CCDC91: variants seen among roughly 807,000 people sequenced by gnomAD.
The protein encoded by CCDC91 is coiled-coil domain-containing protein 91.
In CCDC91, 48 loss-of-function variants were observed where a neutral mutation model predicts 63.2. The ratio of observed to expected loss-of-function variants is 0.76; its 90% CI spans 0.60 to 0.97. CCDC91 has a LOEUF of 0.97. CCDC91 is among the 50% of genes least tolerant of loss of function. The probability of loss-of-function intolerance (pLI) is 0.00; values close to 1 mark genes in which losing one functional copy is unlikely to be tolerated. For synonymous variants in CCDC91, 167 were observed against 165.8 expected, an observed-to-expected ratio of 1.01 and a Z score of -0.06; for missense variants, 500 against 494.6, an observed-to-expected ratio of 1.01 and a Z score of -0.10.
Position 28,452,669 on chromosome 12 carries a change from CTGTT to C in CCDC91, c.1101+16_1101+19del. The C allele has an allele frequency of 2.3e-6, 3 of 1,331,690 alleles. No homozygotes were observed. The highest frequency in any genetic ancestry group is 3.1e-6 in the Non-Finnish European group (3 of 977,304). The allele number at this position is 1,331,690 out of a possible 1,614,324, so 82.5% of individuals were successfully genotyped here. On this transcript the variant is annotated intron_variant, in intron 11 of 12. Transcript: ENST00000536442. ...AAATAAGTCAGGTTAGTAATATTAA[CTGTT>C]AGTAAATATTTACTTTTTTCTCATT...
intron 3 of CCDC91, among the ~76,000 whole-genome samples, chr12:28,289,944 G>C (rs888587659): frequency 2.0e-5 from 3 of 151,804 alleles, no homozygotes; most frequent in African/African-American, 4.8e-5. Flanking sequence ...CACCCGCCTC[G>C]GCCTCCCAAA....
At chr12:28,467,081 C>A (rs1364730914) in intron 11 of CCDC91, among the ~76,000 whole-genome samples, 5 of 151,958 alleles carry the variant, frequency 3.3e-5, no homozygotes, top group African/African-American at 1.2e-4. Context: ...TACAAAACAA[C>A]CACACACAAA....
At chr12:28,297,596 A>G (rs1377000278) in intron 3 of CCDC91, among the ~76,000 whole-genome samples, 1 of 151,958 alleles carries the variant, frequency 6.6e-6, no homozygotes, top group African/African-American at 2.4e-5. Flanking sequence ...ATTAAAAGCA[A>G]GCAAACAAAC....
At chr12:28,194,667 T>C (rs1941586943) in intron 1 of CCDC91, among the ~76,000 whole-genome samples, 1 of 151,878 alleles carries the variant, frequency 6.6e-6, no homozygotes, top group African/African-American at 2.4e-5. Context: ...TTTGTGGCCT[T>C]GCTGGCTTCA....
intron 8 of CCDC91, among the ~76,000 whole-genome samples, chr12:28,404,488 A>C (rs529324584): frequency 1.3e-5 from 2 of 152,262 alleles, no homozygotes; most frequent in South Asian, 4.1e-4. Context: ...TGGTTGCAGT[A>C]TATAGACTTC....
chr12:28,483,620 C>T (rs1034562373), intron 11 of CCDC91, among the ~76,000 whole-genome samples: 1 of 152,058 alleles, frequency 6.6e-6, no homozygotes, highest in Non-Finnish European at 1.5e-5. Flanking sequence ...GTAAATCTTA[C>T]CACTCAGACC....
chr12:28,305,797 A>G lies in CCDC91; in HGVS notation c.258A>G (p.Pro86=), dbSNP rs776408844. 9.9e-6 allele frequency: 16 copies of G among 1,612,122 alleles called. No homozygotes were observed. Among genetic ancestry groups the G allele is most frequent in the Non-Finnish European group, 1.3e-5 (15 of 1,178,832 alleles). The change falls in exon 4 of 13, where the codon CCA becomes CCG. Residue 86 remains proline, a synonymous_variant. Transcript: ENST00000536442. ...AANSIVSQTI[P]KAQIQQSTHT... The stretch of plus-strand genomic sequence containing the variant: ...ATAGCATTGTGAGTCAAACTATTCC[A>G]AAAGCACAGGTAAAGACAAACATAT...
intron 3 of CCDC91, among the ~76,000 whole-genome samples, chr12:28,281,325 A>G (rs554910267): frequency 6.6e-6 from 1 of 152,254 alleles, no homozygotes; most frequent in South Asian, 2.1e-4. Flanking sequence ...GACAAGTCTG[A>G]AATTCATAGG....
chr12:28,360,119 A>C (rs2138502286), intron 6 of CCDC91, among the ~76,000 whole-genome samples: 1 of 152,320 alleles, frequency 6.6e-6, no homozygotes, highest in African/African-American at 2.4e-5. Context: ...CCTACTAACA[A>C]AAATCTGTGT....
intron 6 of CCDC91, among the ~76,000 whole-genome samples, chr12:28,315,383 TTTGAAC>T: frequency 6.6e-6 from 1 of 151,872 alleles, no homozygotes; most frequent in African/African-American, 2.4e-5. Context: ...CCAGGCTGGC[TTTGAAC>T]TCCTGACCTC....
intron 8 of CCDC91, among the ~76,000 whole-genome samples, chr12:28,394,732 C>CTCTCTCTCTCTCTCTCTCTCTCT (rs371886485): frequency 5.4e-4 from 82 of 151,380 alleles, no homozygotes; most frequent in Non-Finnish European, 9.0e-4. Context: ...CTCTCTCTCT[C>CTCTCTCTCTCTCTCTCTCTCTCT]CCCCTTTTTC....
chr12:28,536,075 A>T (rs1340012112), intron 12 of CCDC91, among the ~76,000 whole-genome samples: 2 of 152,030 alleles, frequency 1.3e-5, no homozygotes, highest in East Asian at 3.9e-4. Context: ...AGTTTTATCT[A>T]TTGAAATAAC....
intron 1 of CCDC91, among the ~76,000 whole-genome samples, chr12:28,232,385 T>C (rs1944656224): frequency 6.6e-6 from 1 of 152,114 alleles, no homozygotes; most frequent in South Asian, 2.1e-4. Context: ...TCAGTTTGAA[T>C]ATTGCAGGTA....
At chr12:28,223,411 A>G (rs1234150176) in intron 1 of CCDC91, among the ~76,000 whole-genome samples, 3 of 152,072 alleles carry the variant, frequency 2.0e-5, no homozygotes, top group East Asian at 3.9e-4. Context: ...ACTCTAGGCA[A>G]TGCTACATGC....
rs902814703 is a variant in CCDC91, at chr12:28,264,370, AT to A, written c.109+4936del. On this transcript the variant is annotated intron_variant, in intron 3 of 12. Transcript: ENST00000536442. Reference sequence around the variant, plus strand: ...ACTGTATTTTATAAAAAAATTAATAATTTTTTTTGGCTAAGAAATCTCTTTT... The same window carrying A: ...ACTGTATTTTATAAAAAAATTAATAATTTTTTTGGCTAAGAAATCTCTTTT... Among the ~76,000 whole-genome samples the A allele has an allele frequency of 4.7e-5, 7 of 149,188 alleles. 2 individuals are homozygous for A. The highest frequency in any genetic ancestry group is 2.1e-4 in the South Asian group (1 of 4,740).
intron 8 of CCDC91, among the ~76,000 whole-genome samples, chr12:28,395,170 T>C (rs1383114905): frequency 2.0e-5 from 3 of 152,188 alleles, no homozygotes; most frequent in African/African-American, 4.8e-5. Flanking sequence ...GTGTCACTGT[T>C]GTATATGAAT....
At chr12:28,308,350 T>C (rs1938962535) in intron 6 of CCDC91, among the ~76,000 whole-genome samples, 1 of 152,072 alleles carries the variant, frequency 6.6e-6, no homozygotes, top group East Asian at 1.9e-4. Flanking sequence ...TATTTCTCCC[T>C]TGGATTACTA....
At chr12:28,486,706 C>T (rs1050847197) in intron 12 of CCDC91, among the ~76,000 whole-genome samples, 2 of 152,072 alleles carry the variant, frequency 1.3e-5, no homozygotes, top group African/African-American at 4.8e-5. Flanking sequence ...TGAACTCTGG[C>T]ATTTAGTCTG....
chr12:28,497,079 TG>T (rs1206011518), intron 12 of CCDC91, among the ~76,000 whole-genome samples: 1 of 150,988 alleles, frequency 6.6e-6, no homozygotes, highest in African/African-American at 2.4e-5. Context: ...TTTCATAGAA[TG>T]ATGGCCACCA....
Sources: gnomAD v4.1 joint callset for allele counts (sites outside exome capture counted in the v4.1 genomes callset) on GRCh38, gnomAD v4.1.1 for gene constraint, MANE v1.5 for transcripts, NCBI Gene and HGNC (gene_info 2026-07-23, HGNC 2026-07-21) for gene names.